SPINK5: variants seen among roughly 807,000 people sequenced by gnomAD.
SPINK5 encodes the protein serine protease inhibitor Kazal-type 5.
A neutral mutation model predicts 151.8 loss-of-function variants in SPINK5; 125 were observed. The observed-to-expected ratio is 0.82, with a 90% confidence interval of 0.71 to 0.96. The LOEUF (loss-of-function observed/expected upper bound fraction) is 0.96. SPINK5 is among the 40% of genes least tolerant of loss of function. The pLI is 0.00. For missense variants in SPINK5, 1,194 were observed against 1,291.9 expected (o/e 0.92, Z 1.16); for synonymous variants, 374 against 395.3 (o/e 0.95, Z 0.64).
chr5:148,095,870 G>C lies in SPINK5; in HGVS notation c.847G>C (p.Ala283Pro). 6.2e-7 allele frequency: 1 copy of C among 1,612,422 alleles called. No individual in the cohort carries two copies. Among genetic ancestry groups the C allele is most frequent in the Middle Eastern group, 1.7e-4 (1 of 6,034 alleles). Residue 283 changes from alanine (A) to proline (P), a missense_variant, in exon 10 of 33, where the codon GCT (alanine) becomes CCT (proline). Physicochemically the swap from Ala to Pro is conservative, Grantham distance 27. Coordinates refer to ENST00000256084, the MANE Select transcript of SPINK5 (RefSeq NM_006846.4). ...TAAAACAGATCAAAATTTGGGAAAA[G>C]CTGAAGAAAAAACTAAAGTTAAAAG... ...NSKTDQNLGK[A>P]EEKTKVKREI... is the part of the protein sequence containing the mutation.
intron 8 of SPINK5, among the ~76,000 whole-genome samples, chr5:148,092,056 C>T (rs950377041): frequency 1.8e-4 from 28 of 151,754 alleles, no homozygotes; most frequent in Non-Finnish European, 3.7e-4. Context: ...CATCCTGGGC[C>T]TTAATTTTCT....
At chr5:148,078,471 T>C (rs952379240) in intron 4 of SPINK5, among the ~76,000 whole-genome samples, 3 of 151,104 alleles carry the variant, frequency 2.0e-5, no homozygotes, top group Non-Finnish European at 3.0e-5. Flanking sequence ...TGCTTCTCCG[T>C]TGATTGTAGA....
chr5:148,074,622 G>A (rs1752833464), intron 4 of SPINK5, among the ~76,000 whole-genome samples: 1 of 151,470 alleles, frequency 6.6e-6, no homozygotes, highest in African/African-American at 2.4e-5. Flanking sequence ...ATAGATATAT[G>A]GTTTCCATAT....
At chr5:148,132,306 T>A (rs1440646013) in intron 31 of SPINK5, among the ~76,000 whole-genome samples, 1 of 152,134 alleles carries the variant, frequency 6.6e-6, no homozygotes, top group Non-Finnish European at 1.5e-5. Flanking sequence ...TAGTACTACT[T>A]TATCCTTCTT....
At chr5:148,109,050 C>T (rs1753853967) in intron 18 of SPINK5, among the ~76,000 whole-genome samples, 1 of 147,550 alleles carries the variant, frequency 6.8e-6, no homozygotes, top group Non-Finnish European at 1.5e-5. Flanking sequence ...AGAGATCAAT[C>T]ACCATTTTCT....
intron 26 of SPINK5, among the ~76,000 whole-genome samples, chr5:148,121,404 GC>G (rs1276476461): frequency 6.6e-6 from 1 of 151,830 alleles, no homozygotes; most frequent in South Asian, 2.1e-4. Flanking sequence ...TTTTCATTAA[GC>G]CTGTAGTGGC....
At chr5:148,111,947 C>A in intron 19 of SPINK5, 52 bp downstream of exon 19, 2 of 1,613,260 alleles carry the variant, frequency 1.2e-6, no homozygotes, top group African/African-American at 1.3e-5. Context: ...AGATCAGCAT[C>A]GGGTGGGCAA....
intron 10 of SPINK5, 46 bp downstream of exon 10, chr5:148,095,951 G>T (rs747235103): frequency 4.0e-4 from 501 of 1,246,132 alleles, no homozygotes; most frequent in Non-Finnish European, 5.1e-4. Context: ...TGTGTGTGTG[G>T]GGGGGTGCGT....
At chr5:148,118,883 T>G (rs1754173617) in intron 23 of SPINK5, 103 bp from the exon 24 acceptor site, 1 of 1,218,158 alleles carries the variant, frequency 8.2e-7, no homozygotes, top group African/African-American at 1.5e-5. Flanking sequence ...ACCAGCACAG[T>G]TGAAGAAAGC....
chr5:148,101,269 G>A, intron 13 of SPINK5, 86 bp from the exon 14 acceptor site: 2 of 964,062 alleles, frequency 2.1e-6, no homozygotes, highest in South Asian at 1.4e-5. Context: ...TCGTTGTTAA[G>A]TGTAAAATTA....
intron 5 of SPINK5, among the ~76,000 whole-genome samples, chr5:148,087,885 C>T (rs1366021067): frequency 2.0e-5 from 3 of 151,566 alleles, no homozygotes; most frequent in Non-Finnish European, 2.9e-5. Flanking sequence ...CAGCTGATAT[C>T]CTTTGAAATA....
chr5:148,110,431 CTG>C (rs1245828987), intron 18 of SPINK5, among the ~76,000 whole-genome samples: 1 of 152,182 alleles, frequency 6.6e-6, no homozygotes, highest in African/African-American at 2.4e-5. Context: ...ATGGCTCAGA[CTG>C]TGTGTTAACT....
Position 148,101,366 on chromosome 5 carries a change from A to C in SPINK5, c.1232A>C (p.Glu411Ala), listed in dbSNP as rs1561689256. Residue 411 changes from glutamate (E) to alanine (A), a missense_variant, in exon 14 of 33, where the codon GAA becomes GCA. Physicochemically the swap from Glu to Ala is moderately radical, Grantham distance 107 (BLOSUM62 -1). Transcript: ENST00000256084. ...CCATCCTTTTTTAGCCAAGCAGAAG[A>C]AGAAGAAAAGAAAAAGAAGGAAGGT... Reference protein sequence around the residue: ...SMCEVFFQAEEEEKKKKEGKS... With the variant: ...SMCEVFFQAEAEEKKKKEGKS... 7 of 1,609,500 alleles carry C rather than the reference A, an allele frequency of 4.3e-6. No individual in the cohort carries two copies. In the South Asian group the frequency reaches 7.7e-5, roughly 18 times the overall value.
chr5:148,068,669 A>G (rs2127187322), intron 2 of SPINK5, among the ~76,000 whole-genome samples: 1 of 152,050 alleles, frequency 6.6e-6, no homozygotes, highest in East Asian at 1.9e-4. Flanking sequence ...ATTTTTTGGA[A>G]CAGGTTGTGT....
At chr5:148,070,482 GT>G in intron 3 of SPINK5, 32 bp downstream of exon 3, 3 of 1,610,510 alleles carry the variant, frequency 1.9e-6, no homozygotes, top group Non-Finnish European at 2.5e-6. Context: ...TCTTTCCAAT[GT>G]TTGAGTTAAC....
Position 148,107,046 on chromosome 5 carries a change from A to C in SPINK5, c.1489A>C (p.Ser497Arg), listed in dbSNP as rs1753799917. 1.2e-6 allele frequency: 2 copies of C among 1,612,664 alleles called. No homozygotes were observed. Among genetic ancestry groups the C allele is most frequent in the South Asian group, 1.1e-5 (1 of 91,038 alleles). Residue 497 changes from serine to arginine, a missense_variant, in exon 17 of 33, where the codon AGT becomes CGT. By Grantham distance (110) the Ser-to-Arg change is moderately radical (BLOSUM62 -1). Transcript: ENST00000256084. ...TTTCTTCATTTCCCAGGAAATCTGC[A>C]GTGAATTTCGGGACCAAGTGAGGAA... Reference protein sequence around the residue: ...AKREAAKEICSEFRDQVRNGT... With the variant: ...AKREAAKEICREFRDQVRNGT...
chr5:148,106,165 TCTCTC>T lies in SPINK5; in HGVS notation c.1480-870_1480-866del, dbSNP rs1753777852. Among the ~76,000 whole-genome samples, 5 of 152,094 alleles carry T rather than the reference TCTCTC, an allele frequency of 3.3e-5. 1 individual carries two copies. The South Asian group carries it at 1.0e-3, about 32-fold the overall frequency. ...CCAGTGGTATTAACATATTCCTCCT[TCTCTC>T]CACTCCTATTCTTACCCTCTTGCTT... is the stretch of plus-strand genomic sequence containing the variant. On this transcript the variant is annotated intron_variant, in intron 16 of 32. Coordinates refer to ENST00000256084, the MANE Select transcript of SPINK5 (RefSeq NM_006846.4).
chr5:148,070,680 G>GC (rs1391463428), intron 3 of SPINK5, among the ~76,000 whole-genome samples: 7 of 152,048 alleles, frequency 4.6e-5, no homozygotes, highest in African/African-American at 1.7e-4. Flanking sequence ...ATTCCAGAGG[G>GC]CCCAGTGTCA....
At position 148,088,535 on chromosome 5, in the gene SPINK5, A is replaced by G. The variant is rs771795224; in HGVS notation, c.411-7A>G. 7 of 1,611,288 alleles carry G rather than the reference A, an allele frequency of 4.3e-6. No homozygotes were observed. Among genetic ancestry groups the G allele is most frequent in the Non-Finnish European group, 5.9e-6 (7 of 1,178,324 alleles). On this transcript the variant is annotated splice_polypyrimidine_tract_variant and splice_region_variant and intron_variant, in intron 5 of 32. Coordinates refer to ENST00000256084, the MANE Select transcript of SPINK5 (RefSeq NM_006846.4). ...AAACTGCTGTGTCTACTAACTTTTG[A>G]TTCTAGGAAAACCGGGTCCCAAATT...
Sources: allele counts gnomAD v4.1 joint callset (sites outside exome capture counted in the v4.1 genomes callset), GRCh38; gene constraint gnomAD v4.1.1; transcripts MANE v1.5; gene names NCBI Gene and HGNC (gene_info 2026-07-23, HGNC 2026-07-21).